PHF21B: variants seen among roughly 807,000 people sequenced by gnomAD.
PHF21B encodes PHD finger protein 21B, also known as PHD finger protein 4.
In PHF21B, 22 loss-of-function variants were observed where a neutral mutation model predicts 62.2. The observed-to-expected ratio is 0.35, with a 90% confidence interval of 0.25 to 0.51. The LOEUF (loss-of-function observed/expected upper bound fraction) is 0.51. PHF21B is among the 20% of genes least tolerant of loss of function. The pLI is 0.97. For missense variants in PHF21B, 701 were observed against 707.9 expected (o/e 0.99, Z 0.11); for synonymous variants, 341 against 314.7 (o/e 1.08, Z -0.88).
chr22:45,003,881 G>A (rs959955283), intron 2 of PHF21B, among the ~76,000 whole-genome samples: 6 of 152,166 alleles, frequency 3.9e-5, no homozygotes, highest in Admixed American at 3.9e-4. Flanking sequence ...CAACAGGCCA[G>A]TCACAAAAAG....
chr22:44,961,701 C>T (rs962238940), intron 2 of PHF21B, among the ~76,000 whole-genome samples: 1 of 151,880 alleles, frequency 6.6e-6, no homozygotes, highest in African/African-American at 2.4e-5. Flanking sequence ...ATAAGCCAGG[C>T]GTGGTGGTGC....
chr22:44,932,422 T>C lies in PHF21B; in HGVS notation c.121-11932A>G, dbSNP rs974599993. The stretch of plus-strand genomic sequence containing the variant: ...TGAACCCCCAACCTGGGCCCTTGGA[T>C]CTGGAGTGGCCGCCACCACCAGGCA... On this transcript the variant is annotated intron_variant, in intron 2 of 12. Transcript: ENST00000313237. 2.0e-5 allele frequency among the ~76,000 whole-genome samples: 3 copies of C among 152,284 alleles called. No homozygotes were observed. In the East Asian group the frequency reaches 5.8e-4, roughly 29 times the overall value.
intron 2 of PHF21B, among the ~76,000 whole-genome samples, chr22:44,936,965 C>T (rs1436904526): frequency 2.0e-5 from 3 of 151,642 alleles, no homozygotes; most frequent in Admixed American, 6.6e-5. Context: ...CTCCACCTCC[C>T]GGGATTGTCC....
At chr22:44,944,364 G>T (rs1018272083) in intron 2 of PHF21B, among the ~76,000 whole-genome samples, 1 of 152,178 alleles carries the variant, frequency 6.6e-6, no homozygotes, top group African/African-American at 2.4e-5. Flanking sequence ...TGTGCTGGGA[G>T]GGGCACTATG....
intron 2 of PHF21B, among the ~76,000 whole-genome samples, chr22:44,947,356 G>T (rs910172336): frequency 6.6e-6 from 1 of 152,236 alleles, no homozygotes; most frequent in African/African-American, 2.4e-5. Flanking sequence ...TTTTTAAGCA[G>T]ACCGACGCAT....
Position 44,883,310 on chromosome 22 carries a change from G to A in PHF21B, c.1378-6C>T. 6.2e-7 allele frequency: 1 copy of A among 1,612,806 alleles called. No individual in the cohort carries two copies. The highest frequency in any genetic ancestry group is 8.5e-7 in the Non-Finnish European group (1 of 1,179,612). On this transcript the variant is annotated splice_region_variant and splice_polypyrimidine_tract_variant and intron_variant, in intron 12 of 12. Transcript: ENST00000313237. ...GTCTTCAACTCCAGGCATTTCTGTT[G>A]GGGAGAAGGTCAGGGGAAAGGGTCT...
intron 2 of PHF21B, among the ~76,000 whole-genome samples, chr22:44,920,875 C>T (rs1247509483): frequency 6.6e-6 from 1 of 152,220 alleles, no homozygotes; most frequent in African/African-American, 2.4e-5. Context: ...TTCCATTCAG[C>T]AGACATAATG....
chr22:44,938,447 T>A (rs1569240831), intron 2 of PHF21B, among the ~76,000 whole-genome samples: 1 of 152,258 alleles, frequency 6.6e-6, no homozygotes, highest in East Asian at 1.9e-4. Context: ...TTGGCCAGGC[T>A]GGTATCAACT....
At chr22:44,897,304 T>G (rs958133389) in intron 5 of PHF21B, among the ~76,000 whole-genome samples, 6 of 152,094 alleles carry the variant, frequency 3.9e-5, no homozygotes, top group African/African-American at 1.4e-4. Context: ...GCCCCTACCC[T>G]GCGGTGTAGC....
intron 2 of PHF21B, among the ~76,000 whole-genome samples, chr22:45,005,524 CTA>C (rs1255240591): frequency 6.6e-5 from 10 of 152,352 alleles, no homozygotes; most frequent in African/African-American, 2.4e-4. Flanking sequence ...CTATCTACCA[CTA>C]TGAGTCCTTT....
At chr22:44,970,660 G>A (rs1216512636) in intron 2 of PHF21B, among the ~76,000 whole-genome samples, 1 of 152,128 alleles carries the variant, frequency 6.6e-6, no homozygotes, top group African/African-American at 2.4e-5. Flanking sequence ...GTCAAAGCTC[G>A]CCGAACTGCT....
intron 2 of PHF21B, among the ~76,000 whole-genome samples, chr22:45,007,248 G>C (rs937796900): frequency 6.7e-6 from 1 of 149,882 alleles, no homozygotes; most frequent in Middle Eastern, 3.2e-3. Flanking sequence ...CGCCACTCGC[G>C]CACGCCCCCT....
rs1005665202 is a variant in PHF21B, at chr22:44,881,818, G to C, written c.*1268C>G. 3.9e-5 allele frequency: 6 copies of C among 152,670 alleles called. No individual in the cohort carries two copies. Among genetic ancestry groups the C allele is most frequent in the African/African-American group, 1.4e-4 (6 of 41,454 alleles). 9.5% of individuals were successfully genotyped at this position (152,670 alleles called of 1,614,324 possible). A position where few individuals can be genotyped will look rare whatever the true frequency, so the allele number is the denominator to read the frequency against. On this transcript the variant is annotated 3_prime_UTR_variant, in exon 13 of 13. Transcript: ENST00000313237. ...CCCTCAGGACTGGGATGTGGGAATC[G>C]GGCAAGGGTGACAAGCTGCCACTGC...
chr22:44,920,499 T>C lies in PHF21B; in HGVS notation c.121-9A>G, dbSNP rs779822570. 61 of 1,602,826 alleles carry C rather than the reference T, an allele frequency of 3.8e-5. No homozygotes were observed. Among genetic ancestry groups the C allele is most frequent in the Non-Finnish European group, 5.2e-5 (61 of 1,172,990 alleles). On this transcript the variant is annotated splice_polypyrimidine_tract_variant and intron_variant, in intron 2 of 12. Coordinates refer to ENST00000313237, the MANE Select transcript of PHF21B (RefSeq NM_138415.5). ...GTGATCGTTCCCAAAGCCTGAAACA[T>C]ACAGGAGGGCAACGCTGAGACAGGA...
intron 2 of PHF21B, among the ~76,000 whole-genome samples, chr22:44,925,042 A>C (rs914017504): frequency 6.6e-6 from 1 of 152,252 alleles, no homozygotes; most frequent in Non-Finnish European, 1.5e-5. Flanking sequence ...AAAAAAACCC[A>C]GACTCCAAAA....
rs747335399 is a variant in PHF21B, at chr22:44,916,694, G to A, written c.214-64C>T. ...CACACAGGAGTGCAGGGGAGGGGCCGCCCTGGCTCGGAGACTTCCTATATT... is the reference window on the plus strand; with the variant it reads ...CACACAGGAGTGCAGGGGAGGGGCCACCCTGGCTCGGAGACTTCCTATATT... On this transcript the variant is annotated intron_variant, in intron 3 of 12. Transcript: ENST00000313237. 7.4e-4 allele frequency: 1,070 copies of A among 1,445,922 alleles called. 1 individual carries two copies. Among genetic ancestry groups the A allele is most frequent in the Non-Finnish European group, 9.2e-4 (965 of 1,044,840 alleles). The allele number at this position is 1,445,922 out of a possible 1,614,324, so 89.6% of individuals were successfully genotyped here.
chr22:44,997,182 C>T (rs111501324), intron 2 of PHF21B, among the ~76,000 whole-genome samples: 83 of 152,278 alleles, frequency 5.5e-4, no homozygotes, highest in Non-Finnish European at 8.1e-4. Flanking sequence ...CCACTACCCT[C>T]GTCCCCTCCA....
chr22:44,952,545 G>A (rs180950289), intron 2 of PHF21B, among the ~76,000 whole-genome samples: 75 of 152,294 alleles, frequency 4.9e-4, no homozygotes, highest in Admixed American at 1.9e-3. Flanking sequence ...TGGACTGAAC[G>A]ATGCCCAGCA....
chr22:44,959,737 T>C (rs2072379232), intron 2 of PHF21B, among the ~76,000 whole-genome samples: 1 of 152,116 alleles, frequency 6.6e-6, no homozygotes, highest in Non-Finnish European at 1.5e-5. Flanking sequence ...AGCTGATCAC[T>C]GAAAACAGTA....
Sources: allele counts gnomAD v4.1 joint callset (sites outside exome capture counted in the v4.1 genomes callset), GRCh38; gene constraint gnomAD v4.1.1; transcripts MANE v1.5; gene names NCBI Gene and HGNC (gene_info 2026-07-23, HGNC 2026-07-21).